Variants in ELL observed in about 807,000 individuals in gnomAD.
ELL encodes the protein elongation factor for RNA polymerase II.
ELL carries 18 observed loss-of-function variants against 64.0 expected under a neutral mutation model. That is an observed-to-expected ratio of 0.28 (90% CI 0.19 to 0.42). ELL has a LOEUF of 0.42. Ranked by LOEUF, ELL falls within the 10% of genes least tolerant of loss-of-function variation. The probability of loss-of-function intolerance (pLI) is 1.00; values close to 1 mark genes in which losing one functional copy is unlikely to be tolerated. For missense variants in ELL, 797 were observed against 870.4 expected, an observed-to-expected ratio of 0.92 and a Z score of 1.06; for synonymous variants, 399 against 376.2, an observed-to-expected ratio of 1.06 and a Z score of -0.70.
At chr19:18,468,296 C>T (rs1974995424) in intron 2 of ELL, among the ~76,000 whole-genome samples, 1 of 152,176 alleles carries the variant, frequency 6.6e-6, no homozygotes, top group African/African-American at 2.4e-5. Context: ...AACAACCACA[C>T]ACGCCCTGAA....
At chr19:18,517,267 T>C (rs140531091) in intron 1 of ELL, among the ~76,000 whole-genome samples, 290 of 152,186 alleles carry the variant, frequency 1.9e-3, no homozygotes, top group African/African-American at 6.3e-3. Flanking sequence ...AGGTTTCGTT[T>C]TGTTTTTTGA....
In ELL at chr19:18,451,582, G is replaced by T. The variant is rs78299636; in HGVS notation, c.936C>A (p.Gly312=). The T allele has an allele frequency of 1.3e-6, 2 of 1,495,306 alleles. No individual in the cohort carries two copies. The highest frequency in any genetic ancestry group is 5.1e-5 in the Admixed American group (2 of 39,290). The allele number at this position is 1,495,306 out of a possible 1,614,324, so 92.6% of individuals were successfully genotyped here. ...GGGGCGAGGCCGAGCGCCCACGCTC[G>T]CCTGGGGGGCTGGAGGCAGCAGGGT... ...LGDPAASSPP[G]ERGRSASPPQ... is the part of the protein sequence containing the mutation. Residue 312 remains glycine (G), a synonymous_variant, in exon 7 of 12, where the codon GGC becomes GGA. Transcript: ENST00000262809.
intron 1 of ELL, among the ~76,000 whole-genome samples, chr19:18,518,986 T>C (rs929084554): frequency 1.6e-4 from 24 of 152,104 alleles, no homozygotes; most frequent in Admixed American, 1.2e-3. Flanking sequence ...TACCTGCTCC[T>C]GGGAGCCACA....
chr19:18,509,826 C>G (rs905464832), intron 1 of ELL, among the ~76,000 whole-genome samples: 1 of 152,178 alleles, frequency 6.6e-6, no homozygotes, highest in African/African-American at 2.4e-5. Flanking sequence ...CCAGCCAGTG[C>G]CCCCCAGTGG....
chr19:18,450,986 G>C lies in ELL; in HGVS notation c.967-11C>G. On this transcript the variant is annotated splice_polypyrimidine_tract_variant and intron_variant, in intron 7 of 11. Transcript: ENST00000262809. ...AGGCTGCAGCCGCTTCTGGAGAGGA[G>C]CAGAGATCATTTTAGAGGGGAGCAC... 6.6e-7 allele frequency: 1 copy of C among 1,515,502 alleles called. No individual in the cohort carries two copies. Among genetic ancestry groups the C allele is most frequent in the Admixed American group, 2.2e-5 (1 of 44,712 alleles). 93.9% of individuals were successfully genotyped at this position (1,515,502 alleles called of 1,614,324 possible).
chr19:18,471,119 T>A (rs1600458829), intron 2 of ELL: 2 of 393,876 alleles, frequency 5.1e-6, no homozygotes, highest in East Asian at 1.4e-4. Flanking sequence ...ACACCTGTAA[T>A]TCTAGCACTT....
chr19:18,465,973 A>G, intron 2 of ELL, 55 bp from the exon 3 acceptor site: 1 of 1,257,444 alleles, frequency 8.0e-7, no homozygotes. Flanking sequence ...ACAGGTCCCC[A>G]GCCTGCATCT....
rs748950436 is a variant in ELL, at chr19:18,472,886, TAAAAAA to T, written c.136-10_136-5del. On this transcript the variant is annotated splice_region_variant and splice_polypyrimidine_tract_variant and intron_variant, in intron 1 of 11. Coordinates refer to ENST00000262809, the MANE Select transcript of ELL (RefSeq NM_006532.4). ...ATGGCCTCAGTGAAACAGAATCCTA[TAAAAAA>T]AAAAAAAAAAAAAAAAAGGTGAGGG... 5.0e-5 allele frequency: 61 copies of T among 1,218,146 alleles called. No individual in the cohort carries two copies. Among genetic ancestry groups the T allele is most frequent in the South Asian group, 3.8e-4 (21 of 55,712 alleles). The allele number at this position is 1,218,146 out of a possible 1,614,324, so 75.5% of individuals were successfully genotyped here.
At position 18,465,882 on chromosome 19, in the gene ELL, C is replaced by T; in HGVS notation, c.220G>A (p.Ala74Thr). 1.5e-6 allele frequency: 2 copies of T among 1,333,068 alleles called. No individual in the cohort carries two copies. Among genetic ancestry groups the T allele is most frequent in the Non-Finnish European group, 1.9e-6 (2 of 1,032,988 alleles). 82.6% of individuals were successfully genotyped at this position (1,333,068 alleles called of 1,614,324 possible). A position where few individuals can be genotyped will look rare whatever the true frequency, so the allele number is the denominator to read the frequency against. ...GAGAGGTAGAAGGAGAACGTCCGCG[C>T]CTCTGCGGGGCAGTCAGGCTGGGGG... is the stretch of plus-strand genomic sequence containing the variant. The part of the protein sequence containing the change: ...SIPQPDCPAE[A>T]RTFSFYLSNI... Residue 74 changes from alanine (A) to threonine (T), a missense_variant, in exon 3 of 12, where the codon GCG (alanine) becomes ACG (threonine). Coordinates refer to ENST00000262809, the MANE Select transcript of ELL (RefSeq NM_006532.4).
chr19:18,444,174 C>G lies in ELL; in HGVS notation c.*578G>C, dbSNP rs1974357909. ...AGAGACCCTGCCCAAGGAGGAGAGG[C>G]TGGGGAAAGGGGTGCCTAAACGTAG... On this transcript the variant is annotated 3_prime_UTR_variant, in exon 12 of 12. Coordinates refer to ENST00000262809, the MANE Select transcript of ELL (RefSeq NM_006532.4). The G allele has an allele frequency of 4.3e-6, 1 of 230,462 alleles. No individual in the cohort carries two copies. Among genetic ancestry groups the G allele is most frequent in the Admixed American group, 5.7e-5 (1 of 17,690 alleles). The allele number at this position is 230,462 out of a possible 1,614,324, so 14.3% of individuals were successfully genotyped here.
At chr19:18,476,343 GAT>G (rs1975174362) in intron 1 of ELL, among the ~76,000 whole-genome samples, 1 of 152,250 alleles carries the variant, frequency 6.6e-6, no homozygotes, top group Non-Finnish European at 1.5e-5. Flanking sequence ...AAACAGTGAT[GAT>G]GCTGAGGCCA....
chr19:18,461,828 G>A lies in ELL; in HGVS notation c.494C>T (p.Pro165Leu), dbSNP rs1974821300. 1.2e-6 allele frequency: 2 copies of A among 1,613,386 alleles called. No individual in the cohort carries two copies. The highest frequency in any genetic ancestry group is 4.5e-5 in the East Asian group (2 of 44,862). ...YLGKKVQFRK[P>L]APGATDAVPS... ...CACCGCGTCTGTTGCACCTGGGGCT[G>A]GTTTCCGAAACTGAACCTTCTTGCC... Residue 165 changes from proline to leucine, a missense_variant, in exon 5 of 12, where the codon CCA becomes CTA. Coordinates refer to ENST00000262809, the MANE Select transcript of ELL (RefSeq NM_006532.4).
chr19:18,470,439 G>A (rs1387727403), intron 2 of ELL, among the ~76,000 whole-genome samples: 2 of 152,320 alleles, frequency 1.3e-5, no homozygotes, highest in Admixed American at 6.5e-5. Context: ...GGGCACTGTG[G>A]GGCTGCTCTG....
At chr19:18,455,399 A>G (rs1408783125) in intron 6 of ELL, among the ~76,000 whole-genome samples, 1 of 151,410 alleles carries the variant, frequency 6.6e-6, no homozygotes, top group African/African-American at 2.4e-5. Flanking sequence ...GCTGAGGCAC[A>G]GAATTGCTTG....
chr19:18,479,737 T>C (rs1600470240), intron 1 of ELL, among the ~76,000 whole-genome samples: 1 of 144,320 alleles, frequency 6.9e-6, no homozygotes, highest in Admixed American at 6.9e-5. Flanking sequence ...AAATCTAGGA[T>C]TGTTTTAAAA....
In ELL at chr19:18,487,837, T is replaced by C. The variant is rs577734356; in HGVS notation, c.136-14955A>G. On this transcript the variant is annotated intron_variant, in intron 1 of 11. Transcript: ENST00000262809. ...TACCCAGAAAAACAAAGTAGAGCCT[T>C]CCCGGTACAATCTGTACTTTCAGAA... Among the ~76,000 whole-genome samples, 5 of 152,280 alleles carry C rather than the reference T, an allele frequency of 3.3e-5. No homozygotes were observed. In the South Asian group the frequency reaches 1.0e-3, roughly 32 times the overall value.
chr19:18,490,508 G>A (rs1350888058), intron 1 of ELL, among the ~76,000 whole-genome samples: 1 of 152,232 alleles, frequency 6.6e-6, no homozygotes, highest in African/African-American at 2.4e-5. Context: ...GCCCTCATCA[G>A]CTGCCTCTAA....
chr19:18,491,024 A>G (rs1328137762), intron 1 of ELL, among the ~76,000 whole-genome samples: 2 of 152,182 alleles, frequency 1.3e-5, no homozygotes, highest in Admixed American at 1.3e-4. Flanking sequence ...GCCAAACAAC[A>G]GTCTAGATGT....
At chr19:18,460,645 A>G (rs1156635521) in intron 5 of ELL, among the ~76,000 whole-genome samples, 1 of 152,216 alleles carries the variant, frequency 6.6e-6, no homozygotes, top group Non-Finnish European at 1.5e-5. Context: ...AGGGACGCCT[A>G]TGAGGAGCTC....
Sources: gnomAD v4.1 joint callset for allele counts (sites outside exome capture counted in the v4.1 genomes callset) on GRCh38, gnomAD v4.1.1 for gene constraint, MANE v1.5 for transcripts, NCBI Gene and HGNC (gene_info 2026-07-23, HGNC 2026-07-21) for gene names.